SMYD3: variants seen among roughly 807,000 people sequenced by gnomAD.
SMYD3 encodes SET and MYND domain containing 3, also known as histone-lysine N-methyltransferase SMYD3.
Under a neutral mutation model 57.7 loss-of-function variants are expected in SMYD3, and 36 were observed. That is an observed-to-expected ratio of 0.62 (90% CI 0.48 to 0.82). SMYD3 has a LOEUF of 0.82. Among genes scored for constraint, SMYD3 ranks in the 40% least tolerant of loss-of-function variants. The probability of loss-of-function intolerance (pLI) is 0.00; values close to 1 mark genes in which losing one functional copy is unlikely to be tolerated. For synonymous variants in SMYD3, 211 were observed against 195.0 expected, an observed-to-expected ratio of 1.08 and a Z score of -0.68; for missense variants, 515 against 538.8, an observed-to-expected ratio of 0.96 and a Z score of 0.44.
intron 5 of SMYD3, among the ~76,000 whole-genome samples, chr1:245,995,078 C>T (rs2058897144): frequency 6.6e-6 from 1 of 151,978 alleles, no homozygotes; most frequent in African/African-American, 2.4e-5. Context: ...GGTGACAGAG[C>T]AAGACTCCGT....
chr1:246,231,190 C>T (rs1190007706), intron 5 of SMYD3, among the ~76,000 whole-genome samples: 1 of 152,132 alleles, frequency 6.6e-6, no homozygotes, highest in East Asian at 1.9e-4. Flanking sequence ...AACTATCCAT[C>T]ATTCTTACTC....
At chr1:246,024,408 G>C (rs865882603) in intron 5 of SMYD3, among the ~76,000 whole-genome samples, 9 of 522 alleles carry the variant, frequency 0.017, no homozygotes, top group South Asian at 0.025. Context: ...ATCTAGGAAG[G>C]AGATACAGGA....
At chr1:246,309,825 G>A (rs1489018246) in intron 5 of SMYD3, among the ~76,000 whole-genome samples, 1 of 152,102 alleles carries the variant, frequency 6.6e-6, no homozygotes, top group Non-Finnish European at 1.5e-5. Flanking sequence ...TAGGCCCTAA[G>A]AATCTGGTGA....
chr1:246,180,640 T>C (rs2062530318), intron 5 of SMYD3, among the ~76,000 whole-genome samples: 1 of 150,606 alleles, frequency 6.6e-6, no homozygotes, highest in Non-Finnish European at 1.5e-5. Context: ...ATGCCTGTAG[T>C]CCCAGCTACT....
chr1:246,479,635 G>A (rs1423516677), intron 1 of SMYD3, among the ~76,000 whole-genome samples: 1 of 148,454 alleles, frequency 6.7e-6, no homozygotes, highest in African/African-American at 2.5e-5. Flanking sequence ...AGCCTCCCAA[G>A]TAGCTGGAAC....
chr1:246,304,534 T>G (rs549227778), intron 5 of SMYD3, among the ~76,000 whole-genome samples: 1 of 151,518 alleles, frequency 6.6e-6, no homozygotes, highest in Non-Finnish European at 1.5e-5. Flanking sequence ...GGAAAAAAAA[T>G]AGAGAGGAAA....
At chr1:246,338,615 C>T (rs1356390466) in intron 2 of SMYD3, among the ~76,000 whole-genome samples, 1 of 151,852 alleles carries the variant, frequency 6.6e-6, no homozygotes, top group African/African-American at 2.4e-5. Context: ...TAAAATACTA[C>T]ATTAAGAAGT....
chr1:246,327,242 G>T lies in SMYD3; in HGVS notation c.490C>A (p.Gln164Lys). Residue 164 changes from glutamine to lysine, a missense_variant, in exon 5 of 12, where the codon CAG (glutamine) becomes AAG (lysine). Transcript: ENST00000490107. ...AAAAGGTCAAAGGCAGGTGGCAGCT[G>T]AGAGGCATCCTGTATTTCTTCTCTC... ...FMREEIQDAS[Q>K]LPPAFDLFEA... 1.2e-6 allele frequency: 2 copies of T among 1,614,168 alleles called. No individual in the cohort carries two copies. Among genetic ancestry groups the T allele is most frequent in the South Asian group, 2.2e-5 (2 of 91,086 alleles).
At chr1:246,243,719 C>T (rs190186138) in intron 5 of SMYD3, among the ~76,000 whole-genome samples, 6 of 151,988 alleles carry the variant, frequency 3.9e-5, no homozygotes, top group Non-Finnish European at 7.4e-5. Flanking sequence ...GTTATGAAAT[C>T]ATTCTAATTC....
At position 246,261,082 on chromosome 1, in the gene SMYD3, G is replaced by A. The variant is rs529201739; in HGVS notation, c.531+66119C>T. Among the ~76,000 whole-genome samples, 23 of 151,708 alleles carry A rather than the reference G, an allele frequency of 1.5e-4. No homozygotes were observed. The South Asian group carries it at 2.7e-3, about 18-fold the overall frequency. On this transcript the variant is annotated intron_variant, in intron 5 of 11. Coordinates refer to ENST00000490107, the MANE Select transcript of SMYD3 (RefSeq NM_001167740.2). ...GTTGTTGTTGTTGTTTATTTGAGAC[G>A]GCGTCTCACTCTGTCACCCAGGCTG... is the stretch of plus-strand genomic sequence containing the variant.
At chr1:246,506,989 G>GCCCCCCCCCCCCCCCCCCCCCCCCCCC (rs1182642267) in intron 1 of SMYD3, 65 bp downstream of exon 1, 2 of 650,598 alleles carry the variant, frequency 3.1e-6, no homozygotes, top group African/African-American at 3.2e-5. Flanking sequence ...GCCGCCCGAC[G>GCCCCCCCCCCCCCCCCCCCCCCCCCCC]CCCCCCCCTC....
At chr1:245,922,604 G>A (rs1299131667) in intron 7 of SMYD3, among the ~76,000 whole-genome samples, 1 of 58,396 alleles carries the variant, frequency 1.7e-5, no homozygotes, top group East Asian at 5.2e-4. Flanking sequence ...AATCTCTAAT[G>A]TCATATTTTT....
chr1:245,843,082 TTC>T (rs1323404385), intron 10 of SMYD3, among the ~76,000 whole-genome samples: 1 of 152,176 alleles, frequency 6.6e-6, no homozygotes, highest in African/African-American at 2.4e-5. Flanking sequence ...TTTGTGTTTT[TTC>T]TCTCTCATGT....
rs1355739659 is a variant in SMYD3 at position 245,980,296 on chromosome 1, TAGTC to T, written c.532-50363_532-50360del. 4.6e-5 allele frequency among the ~76,000 whole-genome samples: 7 copies of T among 152,292 alleles called. No individual in the cohort carries two copies. In the South Asian group the frequency reaches 1.4e-3, roughly 32 times the overall value. On this transcript the variant is annotated intron_variant, in intron 5 of 11. Coordinates refer to ENST00000490107, the MANE Select transcript of SMYD3 (RefSeq NM_001167740.2). Reference sequence around the variant, plus strand: ...GCTCTCCTTGCACATGTGTGGCAGGTAGTCAGACATGCCTCGGGAATGAAGGCAG... The same window carrying T: ...GCTCTCCTTGCACATGTGTGGCAGGTAGACATGCCTCGGGAATGAAGGCAG...
At chr1:246,363,418 T>G (rs1298232120) in intron 1 of SMYD3, among the ~76,000 whole-genome samples, 2 of 151,884 alleles carry the variant, frequency 1.3e-5, no homozygotes, top group Non-Finnish European at 2.9e-5. Context: ...GTCTGGGAGG[T>G]GTACCCAACA....
intron 1 of SMYD3, among the ~76,000 whole-genome samples, chr1:246,430,563 G>C (rs1054715352): frequency 2.0e-5 from 3 of 152,202 alleles, no homozygotes; most frequent in Non-Finnish European, 4.4e-5. Flanking sequence ...TTATCAGAGA[G>C]GTTGGAGAAG....
intron 8 of SMYD3, among the ~76,000 whole-genome samples, chr1:245,871,084 T>G (rs2052166339): frequency 6.6e-6 from 1 of 152,202 alleles, no homozygotes; most frequent in Non-Finnish European, 1.5e-5. Flanking sequence ...AATGAACACT[T>G]ACAAACTTTT....
At chr1:245,777,109 G>A (rs187565941) in intron 10 of SMYD3, among the ~76,000 whole-genome samples, 28 of 152,346 alleles carry the variant, frequency 1.8e-4, no homozygotes, top group Non-Finnish European at 2.9e-4. Context: ...ACCATGAATA[G>A]GTCTGGGAGG....
intron 5 of SMYD3, among the ~76,000 whole-genome samples, chr1:245,931,106 C>T (rs2056690362): frequency 1.3e-5 from 2 of 152,130 alleles, no homozygotes; most frequent in Non-Finnish European, 2.9e-5. Flanking sequence ...CACTTACGGC[C>T]CTACTGCCAT....
Sources: gnomAD v4.1 joint callset for allele counts (sites outside exome capture counted in the v4.1 genomes callset) on GRCh38, gnomAD v4.1.1 for gene constraint, MANE v1.5 for transcripts, NCBI Gene and HGNC (gene_info 2026-07-23, HGNC 2026-07-21) for gene names.